Variants in TSPAN18 observed in about 807,000 individuals in gnomAD.
TSPAN18 encodes tetraspanin-18.
In TSPAN18, 14 loss-of-function variants were observed where a neutral mutation model predicts 27.3. The ratio of observed to expected loss-of-function variants is 0.51; its 90% CI spans 0.34 to 0.80. TSPAN18 has a LOEUF of 0.80. Among genes scored for constraint, TSPAN18 ranks in the 30% least tolerant of loss-of-function variants. The probability of loss-of-function intolerance (pLI) is 0.01; values close to 1 mark genes in which losing one functional copy is unlikely to be tolerated. For synonymous variants in TSPAN18, 143 were observed against 136.5 expected (o/e 1.05, Z -0.33); for missense variants, 268 against 323.9 (o/e 0.83, Z 1.32).
At chr11:44,828,276 G>A (rs1167996581) in intron 2 of TSPAN18, among the ~76,000 whole-genome samples, 3 of 152,024 alleles carry the variant, frequency 2.0e-5, no homozygotes, top group Non-Finnish European at 4.4e-5. Context: ...TCCCGAATCC[G>A]GTTCAGTTCT....
At chr11:44,831,756 A>G (rs1256520452) in intron 2 of TSPAN18, among the ~76,000 whole-genome samples, 1 of 152,182 alleles carries the variant, frequency 6.6e-6, no homozygotes, top group Admixed American at 6.5e-5. Context: ...TAACAAGTCA[A>G]GAGATGAATA....
chr11:44,820,912 A>C (rs1856914174), intron 2 of TSPAN18, among the ~76,000 whole-genome samples: 1 of 152,158 alleles, frequency 6.6e-6, no homozygotes, highest in Non-Finnish European at 1.5e-5. Context: ...CATGAGTAAA[A>C]GCTTCCTGGG....
intron 1 of TSPAN18, among the ~76,000 whole-genome samples, chr11:44,729,608 C>A (rs1244530617): frequency 1.3e-5 from 2 of 152,198 alleles, no homozygotes; most frequent in Non-Finnish European, 2.9e-5. Flanking sequence ...CCCATTCAAA[C>A]AGCCAGTATA....
chr11:44,814,104 ATTGT>A (rs1216217859), intron 2 of TSPAN18, among the ~76,000 whole-genome samples: 1 of 152,198 alleles, frequency 6.6e-6, no homozygotes, highest in Admixed American at 6.5e-5. Context: ...AAAATGCCTC[ATTGT>A]TTGTGGCATC....
chr11:44,765,829 T>A (rs1201414337), intron 2 of TSPAN18, among the ~76,000 whole-genome samples: 1 of 152,226 alleles, frequency 6.6e-6, no homozygotes, highest in African/African-American at 2.4e-5. Flanking sequence ...TCCTATACTT[T>A]GTTTTGTTTT....
At chr11:44,908,808 A>G (rs71491851) in intron 4 of TSPAN18, among the ~76,000 whole-genome samples, 17 of 144,454 alleles carry the variant, frequency 1.2e-4, no homozygotes, top group African/African-American at 4.4e-4. Flanking sequence ...AGAAAGAAAG[A>G]AAGAAAGAAA....
chr11:44,838,319 A>G (rs1241734545), intron 2 of TSPAN18, among the ~76,000 whole-genome samples: 1 of 152,150 alleles, frequency 6.6e-6, no homozygotes, highest in East Asian at 1.9e-4. Flanking sequence ...CCCTTTATAA[A>G]TCAGATCTCA....
rs1401372366 is a variant in TSPAN18, at chr11:44,912,894, A to G, written c.258+2995A>G. ...CATGTGCACATGTGCCTGTGTGTGC[A>G]CATGTGTGTTGTGTGTGCATGTGTG... On this transcript the variant is annotated intron_variant, in intron 5 of 9. Coordinates refer to ENST00000520358, the MANE Select transcript of TSPAN18 (RefSeq NM_130783.5). Among the ~76,000 whole-genome samples, 27 of 29,900 alleles carry G rather than the reference A, an allele frequency of 9.0e-4. No individual in the cohort carries two copies. The Admixed American group carries it at 0.011, about 13-fold the overall frequency. 19.6% of individuals were successfully genotyped at this position (29,900 alleles called of 152,430 possible). A position where few individuals can be genotyped will look rare whatever the true frequency, so the allele number is the denominator to read the frequency against.
chr11:44,812,650 C>T lies in TSPAN18; in HGVS notation c.-152-47678C>T, dbSNP rs190586895. 5.0e-3 allele frequency among the ~76,000 whole-genome samples: 757 copies of T among 152,240 alleles called. 5 individuals carry two copies. Among genetic ancestry groups the T allele is most frequent in the African/African-American group, 0.018 (740 of 41,544 alleles). On this transcript the variant is annotated intron_variant, in intron 2 of 9. Transcript: ENST00000520358. ...AAAGGTGGGGCTAACATTCCTATTG[C>T]CCATCCACTGACCCCACCCCCAAAG... is the stretch of plus-strand genomic sequence containing the variant.
intron 2 of TSPAN18, among the ~76,000 whole-genome samples, chr11:44,809,133 A>G (rs1665137): frequency 1 from 152,096 of 152,212 alleles, 75,990 homozygotes; most frequent in Non-Finnish European, 1. Flanking sequence ...GACTTCCCAC[A>G]GCCACACAGC....
intron 1 of TSPAN18, among the ~76,000 whole-genome samples, chr11:44,747,167 G>T (rs1222427766): frequency 6.6e-6 from 1 of 152,226 alleles, no homozygotes; most frequent in Non-Finnish European, 1.5e-5. Flanking sequence ...CATCTGCTTT[G>T]CCTTGTGGGG....
intron 2 of TSPAN18, among the ~76,000 whole-genome samples, chr11:44,810,993 A>G (rs1856701287): frequency 6.6e-6 from 1 of 152,158 alleles, no homozygotes; most frequent in African/African-American, 2.4e-5. Context: ...ATTTCGTAGT[A>G]TGATGTAACC....
chr11:44,829,672 A>C (rs565741711), intron 2 of TSPAN18, among the ~76,000 whole-genome samples: 33 of 152,270 alleles, frequency 2.2e-4, no homozygotes, highest in African/African-American at 7.5e-4. Context: ...CGTGGATACA[A>C]ATTTTCACCT....
At chr11:44,749,785 C>A (rs559985958) in intron 1 of TSPAN18, among the ~76,000 whole-genome samples, 5 of 151,976 alleles carry the variant, frequency 3.3e-5, no homozygotes, top group African/African-American at 1.2e-4. Context: ...TACAGGTGCC[C>A]GCTACCATGC....
intron 2 of TSPAN18, among the ~76,000 whole-genome samples, chr11:44,804,434 T>G (rs1243995801): frequency 6.6e-6 from 1 of 152,220 alleles, no homozygotes; most frequent in African/African-American, 2.4e-5. Context: ...CATCAGTTCT[T>G]TTTTGACTTC....
At chr11:44,827,308 C>T (rs947756963) in intron 2 of TSPAN18, among the ~76,000 whole-genome samples, 1 of 152,218 alleles carries the variant, frequency 6.6e-6, no homozygotes, top group African/African-American at 2.4e-5. Context: ...AGCCAGCAGA[C>T]GGAACAAGAC....
intron 1 of TSPAN18, among the ~76,000 whole-genome samples, chr11:44,764,122 A>G (rs2134893502): frequency 6.6e-6 from 1 of 152,306 alleles, no homozygotes; most frequent in African/African-American, 2.4e-5. Context: ...TCATGAGAAC[A>G]GCACTGAGGG....
At chr11:44,860,019 A>G (rs1047919754) in intron 2 of TSPAN18, among the ~76,000 whole-genome samples, 1 of 152,218 alleles carries the variant, frequency 6.6e-6, no homozygotes, top group Non-Finnish European at 1.5e-5. Flanking sequence ...CAAATCATGA[A>G]ACATTTGCTG....
chr11:44,834,484 T>C (rs1207118759), intron 2 of TSPAN18, among the ~76,000 whole-genome samples: 1 of 152,210 alleles, frequency 6.6e-6, no homozygotes, highest in Non-Finnish European at 1.5e-5. Context: ...TCTATTTTTT[T>C]TTCCACTTTG....
Sources: allele counts gnomAD v4.1 joint callset (sites outside exome capture counted in the v4.1 genomes callset), GRCh38; gene constraint gnomAD v4.1.1; transcripts MANE v1.5; gene names NCBI Gene and HGNC (gene_info 2026-07-23, HGNC 2026-07-21).